The following TTN variants were observed in gnomAD, a reference collection of about 807,000 sequenced individuals.
The protein encoded by TTN is connectin.
Under a neutral mutation model 3,223.0 loss-of-function variants are expected in TTN, and 1,525 were observed. That is an observed-to-expected ratio of 0.47 (90% CI 0.45 to 0.49). The LOEUF (loss-of-function observed/expected upper bound fraction) is 0.49. Ranked by LOEUF, TTN falls within the 20% of genes least tolerant of loss-of-function variation. The pLI is 0.00. For missense variants in TTN, 40,786 were observed against 43,424.0 expected, an observed-to-expected ratio of 0.94 and a Z score of 5.40; for synonymous variants, 14,094 against 15,161.0, an observed-to-expected ratio of 0.93 and a Z score of 5.17.
rs368516138 is a variant in TTN, at chr2:178,570,532, C to T, written c.75600G>A (p.Lys25200=). The change falls in exon 326 of 363, where the codon AAG becomes AAA. Residue 25200 remains lysine (K), a synonymous_variant. Transcript: ENST00000589042. ...AGERSVTVNV[K]VLDRPGPPEG... is the part of the protein sequence containing the mutation. ...CAGGTGGCCCTGGTCTGTCAAGAACCTTGACATTCACAGTAACTGATCTTT... is the reference window on the plus strand; with the variant it reads ...CAGGTGGCCCTGGTCTGTCAAGAACTTTGACATTCACAGTAACTGATCTTT... The T allele has an allele frequency of 3.7e-6, 6 of 1,613,146 alleles. No homozygotes were observed. The East Asian group carries it at 8.9e-5, about 24-fold the overall frequency.
At position 178,535,763 on chromosome 2, in the gene TTN, G is replaced by T; in HGVS notation, c.100852C>A (p.Pro33618Thr). 1 of 1,613,070 alleles carries T rather than the reference G, an allele frequency of 6.2e-7. No homozygotes were observed. Residue 33618 changes from proline to threonine, a missense_variant, in exon 358 of 363, where the codon CCT becomes ACT. Pro to Thr is a conservative substitution (Grantham distance 38). Transcript: ENST00000589042. ...LRGEVVSIKI[P>T]FSGKPDPVIT... ...ACAGGATCTGGTTTGCCACTGAAAG[G>T]AATCTTGATGCTGACCACTTCACCT...
At position 178,695,904 on chromosome 2, in the gene TTN, C is replaced by G. The variant is rs2073620188; in HGVS notation, c.31168G>C (p.Glu10390Gln). The G allele has an allele frequency of 2.7e-6, 4 of 1,464,360 alleles. No homozygotes were observed. Among genetic ancestry groups the G allele is most frequent in the Non-Finnish European group, 3.6e-6 (4 of 1,109,546 alleles). The allele number at this position is 1,464,360 out of a possible 1,614,324, so 90.7% of individuals were successfully genotyped here. The change falls in exon 114 of 363, where the codon GAA becomes CAA. Residue 10390 changes from glutamate to glutamine, a missense_variant. By Grantham distance (29) the Glu-to-Gln change is conservative. Coordinates refer to ENST00000589042, the MANE Select transcript of TTN (RefSeq NM_001267550.2). ...TTTTGAACTTGAATTACTTCCCTTTCTTGGTAAGCCTCTTCCCACTCTTCC... is the reference window on the plus strand; with the variant it reads ...TTTTGAACTTGAATTACTTCCCTTTGTTGGTAAGCCTCTTCCCACTCTTCC... The part of the protein sequence containing the change: ...GEEEWEEAYQ[E>Q]REVIQVQKEV...
In TTN at chr2:178,552,773, T is replaced by C. The variant is rs757241713; in HGVS notation, c.90127A>G (p.Thr30043Ala). Residue 30043 changes from threonine to alanine, a missense_variant, in exon 335 of 363, where the codon ACA (threonine) becomes GCA (alanine). Physicochemically the swap from Thr to Ala is moderately conservative, Grantham distance 58. Transcript: ENST00000589042. ...CAGCTGAGGATGACAGATGTCTTTG[T>C]TGAGTCTTTCATTGAGAGATCACGT... ...PIRDLSMKDSTKTSVILSWTK... is the reference protein window; with the variant it reads ...PIRDLSMKDSAKTSVILSWTK... The C allele has an allele frequency of 1.2e-6, 2 of 1,613,952 alleles. No individual in the cohort carries two copies. The highest frequency in any genetic ancestry group is 2.2e-5 in the East Asian group (1 of 44,866).
intron 146 of TTN, 141 bp downstream of exon 146, chr2:178,677,480 T>C (rs537444029): frequency 4.6e-6 from 4 of 874,516 alleles, no homozygotes; most frequent in East Asian, 2.7e-5. Context: ...AGAACACACA[T>C]GTCTGGAATG....
intron 47 of TTN, chr2:178,747,138 G>C (rs953214463): frequency 6.2e-7 from 1 of 1,605,160 alleles, no homozygotes; most frequent in African/African-American, 1.4e-5. Flanking sequence ...GTCTCTCCTG[G>C]GGGTGTGGAA....
Position 178,532,286 on chromosome 2 carries a change from C to G in TTN, c.104329G>C (p.Val34777Leu), listed in dbSNP as rs1389045240. The change falls in exon 358 of 363, where the codon GTT (valine) becomes CTT (leucine). Residue 34777 changes from valine to leucine, a missense_variant. Transcript: ENST00000589042. ...EREDEELLRPVTTTQHLSEYK... is the reference protein window; with the variant it reads ...EREDEELLRPLTTTQHLSEYK... The stretch of plus-strand genomic sequence containing the variant: ...TCTGAGAGATGCTGGGTGGTCGTAA[C>G]TGGGCGAAGCAACTCTTCATCCTCC... 7 of 1,613,848 alleles carry G rather than the reference C, an allele frequency of 4.3e-6. No individual in the cohort carries two copies. The highest frequency in any genetic ancestry group is 1.3e-5 in the African/African-American group (1 of 74,920).
At position 178,564,314 on chromosome 2, in the gene TTN, G is replaced by C. The variant is rs1704841978; in HGVS notation, c.81818C>G (p.Pro27273Arg). ...ATATTTTGGATCCAGAGAGGCATTT[G>C]GTGCATCAATTTCATCTCTTGCAGT... is the stretch of plus-strand genomic sequence containing the variant. The part of the protein sequence containing the change: ...AITARDEIDA[P>R]NASLDPKYKD... The change falls in exon 326 of 363, where the codon CCA becomes CGA. Residue 27273 changes from proline (P) to arginine (R), a missense_variant. By Grantham distance (103) the Pro-to-Arg change is moderately radical. Transcript: ENST00000589042. 6.2e-7 allele frequency: 1 copy of C among 1,613,562 alleles called. No homozygotes were observed. The highest frequency in any genetic ancestry group is 8.5e-7 in the Non-Finnish European group (1 of 1,179,738).
chr2:178,549,951 T>C (rs528239612), intron 337 of TTN, 35 bp downstream of exon 337: 1 of 1,570,818 alleles, frequency 6.4e-7, no homozygotes, highest in South Asian at 1.2e-5. Context: ...TCCAAGTTCA[T>C]AAATTGTAGC....
chr2:178,646,425 C>T, intron 216 of TTN, 60 bp downstream of exon 216: 3 of 1,167,788 alleles, frequency 2.6e-6, no homozygotes, highest in Admixed American at 2.1e-5. Flanking sequence ...CAACATAAAC[C>T]ATATACATTT....
At chr2:178,627,362 CA>C (rs2059200320) in intron 240 of TTN, among the ~76,000 whole-genome samples, 1 of 151,888 alleles carries the variant, frequency 6.6e-6, no homozygotes, top group Non-Finnish European at 1.5e-5. Context: ...AAAATTTTTA[CA>C]TAAAATGAGT....
chr2:178,533,815 T>C lies in TTN; in HGVS notation c.102800A>G (p.Lys34267Arg), dbSNP rs879206062. 1.9e-6 allele frequency: 3 copies of C among 1,613,976 alleles called. No homozygotes were observed. Among genetic ancestry groups the C allele is most frequent in the Non-Finnish European group, 2.5e-6 (3 of 1,179,842 alleles). ...PPEFTLPLYN[K>R]TAYVGENVRF... ...GACATTTTCACCTACATAAGCTGTC[T>C]TATTATAGAGAGGCAGGGTAAATTC... Residue 34267 changes from lysine to arginine, a missense_variant, in exon 358 of 363, where the codon AAG becomes AGG. Coordinates refer to ENST00000589042, the MANE Select transcript of TTN (RefSeq NM_001267550.2).
In TTN at chr2:178,688,237, A is replaced by C; in HGVS notation, c.32198-13T>G. ...TCCTCTGCAGATACTTTAAAAGATA[A>C]GGTTTCATTTAAATTCAGCCTGCTG... On this transcript the variant is annotated splice_polypyrimidine_tract_variant and intron_variant, in intron 126 of 362. Transcript: ENST00000589042. The C allele has an allele frequency of 1.2e-6, 2 of 1,607,688 alleles. No individual in the cohort carries two copies. The highest frequency in any genetic ancestry group is 1.7e-6 in the Non-Finnish European group (2 of 1,176,228).
At position 178,725,830 on chromosome 2, in the gene TTN, T is replaced by C; in HGVS notation, c.20492A>G (p.Tyr6831Cys). Residue 6831 changes from tyrosine (Y) to cysteine (C), a missense_variant, in exon 70 of 363, where the codon TAC (tyrosine) becomes TGC (cysteine). By Grantham distance (194) the Tyr-to-Cys change is radical. Coordinates refer to ENST00000589042, the MANE Select transcript of TTN (RefSeq NM_001267550.2). The part of the protein sequence containing the change: ...LNVDTSDIGE[Y>C]HCKAQNEVGS... ...CACTTCATTCTGTGCTTTGCAGTGGTATTCACCGATGTCTGAAGTGTCCAC... is the reference window on the plus strand; with the variant it reads ...CACTTCATTCTGTGCTTTGCAGTGGCATTCACCGATGTCTGAAGTGTCCAC... The C allele has an allele frequency of 6.2e-7, 1 of 1,613,134 alleles. No individual in the cohort carries two copies. The highest frequency in any genetic ancestry group is 8.5e-7 in the Non-Finnish European group (1 of 1,179,378).
chr2:178,757,397 G>T, intron 45 of TTN, 145 bp downstream of exon 45: 1 of 1,042,816 alleles, frequency 9.6e-7, no homozygotes, highest in Non-Finnish European at 1.3e-6. Context: ...TGAGGACCTA[G>T]CGGGAGTTAT....
At position 178,580,171 on chromosome 2, in the gene TTN, A is replaced by G; in HGVS notation, c.67116T>C (p.Tyr22372=). ...TVKEISKDSA[Y]VTWEPPIIDG... The stretch of plus-strand genomic sequence containing the variant: ...CAATAATGGGAGGCTCCCAGGTAAC[A>G]TAAGCAGAGTCTTTGGATATTTCCT... The change falls in exon 318 of 363, where the codon TAT becomes TAC. Residue 22372 remains tyrosine (Y), a synonymous_variant. Transcript: ENST00000589042. The G allele has an allele frequency of 1.2e-6, 2 of 1,613,282 alleles. No individual in the cohort carries two copies. Among genetic ancestry groups the G allele is most frequent in the Non-Finnish European group, 1.7e-6 (2 of 1,179,504 alleles).
Position 178,667,478 on chromosome 2 carries a change from T to C in TTN, c.35677A>G (p.Thr11893Ala). The C allele has an allele frequency of 6.2e-7, 1 of 1,600,078 alleles. No homozygotes were observed. Among genetic ancestry groups the C allele is most frequent in the Non-Finnish European group, 8.5e-7 (1 of 1,178,862 alleles). ...GGTGTTTCTCTCTTTTTAGGAATAG[T>C]CACATATATTTTGTCTTCTGGAACA... ...KVVPEDKIYV[T>A]IPKKRETPAT... Residue 11893 changes from threonine (T) to alanine (A), a missense_variant, in exon 161 of 363, where the codon ACT (threonine) becomes GCT (alanine). Coordinates refer to ENST00000589042, the MANE Select transcript of TTN (RefSeq NM_001267550.2).
In TTN at chr2:178,614,353, G is replaced by A. The variant is rs2056899123; in HGVS notation, c.49049-5C>T. 1.2e-6 allele frequency: 2 copies of A among 1,602,584 alleles called. No homozygotes were observed. The highest frequency in any genetic ancestry group is 2.7e-5 in the African/African-American group (2 of 73,982). ...CAGCTGGTGGTCCGGGTTTATCTGT[G>A]TATGGCATTACAGATGCAGAAAAAA... On this transcript the variant is annotated splice_polypyrimidine_tract_variant and splice_region_variant and intron_variant, in intron 261 of 362. Transcript: ENST00000589042.
chr2:178,770,909 C>A, intron 34 of TTN: 1 of 797,786 alleles, frequency 1.3e-6, no homozygotes, highest in Middle Eastern at 3.0e-4. Flanking sequence ...ATGAAGTTTG[C>A]ATAGCTATGT....
At position 178,570,291 on chromosome 2, in the gene TTN, C is replaced by A. The variant is rs754787711; in HGVS notation, c.75841G>T (p.Ala25281Ser). The change falls in exon 326 of 363, where the codon GCA becomes TCA. Residue 25281 changes from alanine (A) to serine (S), a missense_variant. Coordinates refer to ENST00000589042, the MANE Select transcript of TTN (RefSeq NM_001267550.2). ...EGNEYTFRIM[A>S]VNKYGVGEPL... ...TCACCAACACCATATTTGTTTACTG[C>A]CATTATACGGAAAGTATATTCATTG... 1.5e-5 allele frequency: 25 copies of A among 1,613,196 alleles called. No individual in the cohort carries two copies. The East Asian group carries it at 4.9e-4, about 32-fold the overall frequency.
Sources: gnomAD v4.1 joint callset for allele counts (sites outside exome capture counted in the v4.1 genomes callset) on GRCh38, gnomAD v4.1.1 for gene constraint, MANE v1.5 for transcripts, NCBI Gene and HGNC (gene_info 2026-07-23, HGNC 2026-07-21) for gene names.